Variants in MBD5 observed in about 807,000 individuals in gnomAD.
MBD5 encodes the protein methyl-CpG-binding domain protein 5.
Under a neutral mutation model 117.3 loss-of-function variants are expected in MBD5, and 13 were observed. The observed-to-expected ratio is 0.11, with a 90% confidence interval of 0.07 to 0.18. The LOEUF is 0.18. Among genes scored for constraint, MBD5 ranks in the 10% least tolerant of loss-of-function variants. MBD5 has a pLI of 1.00. For missense variants in MBD5, 1,879 were observed against 2,093.8 expected, an observed-to-expected ratio of 0.90 and a Z score of 2.00; for synonymous variants, 727 against 766.4, an observed-to-expected ratio of 0.95 and a Z score of 0.85.
chr2:148,351,925 T>G (rs1165849016), intron 4 of MBD5, among the ~76,000 whole-genome samples: 1 of 152,060 alleles, frequency 6.6e-6, no homozygotes, highest in Non-Finnish European at 1.5e-5. Context: ...AACCTATGTG[T>G]TTAGTGTAGA....
At chr2:148,430,597 C>T (rs1271647243) in intron 4 of MBD5, among the ~76,000 whole-genome samples, 4 of 151,982 alleles carry the variant, frequency 2.6e-5, no homozygotes, top group African/African-American at 4.8e-5. Flanking sequence ...TAATCAACTT[C>T]TCATTGTAAT....
chr2:148,062,847 A>G (rs1002347126), intron 1 of MBD5, among the ~76,000 whole-genome samples: 4 of 151,908 alleles, frequency 2.6e-5, no homozygotes, highest in Non-Finnish European at 5.9e-5. Flanking sequence ...TTAAATGCAT[A>G]TAGTGGTATT....
At chr2:148,377,437 A>C (rs1049959669) in intron 4 of MBD5, among the ~76,000 whole-genome samples, 12 of 152,130 alleles carry the variant, frequency 7.9e-5, no homozygotes, top group African/African-American at 2.9e-4. Flanking sequence ...CAATCCAATC[A>C]AGTTGACACT....
chr2:148,432,958 G>T (rs1015443362), intron 4 of MBD5, among the ~76,000 whole-genome samples: 2 of 152,096 alleles, frequency 1.3e-5, no homozygotes, highest in African/African-American at 2.4e-5. Flanking sequence ...GTTTTCAGTA[G>T]TATGGCCATT....
At chr2:148,379,750 G>A (rs1704083202) in intron 4 of MBD5, among the ~76,000 whole-genome samples, 1 of 151,890 alleles carries the variant, frequency 6.6e-6, no homozygotes, top group South Asian at 2.1e-4. Flanking sequence ...GCCAGGGGAG[G>A]GGGTATAACA....
chr2:148,181,635 T>TTCC (rs1698537060), intron 2 of MBD5, among the ~76,000 whole-genome samples: 1 of 152,188 alleles, frequency 6.6e-6, no homozygotes, highest in Non-Finnish European at 1.5e-5. Flanking sequence ...GCCTTTTGAT[T>TTCC]TCCCTCTTCT....
chr2:148,390,517 A>ACG (rs1559051455), intron 4 of MBD5, among the ~76,000 whole-genome samples: 1 of 148,764 alleles, frequency 6.7e-6, no homozygotes, highest in Non-Finnish European at 1.5e-5. Flanking sequence ...GTATGTATAT[A>ACG]TGTGTGTGTG....
intron 1 of MBD5, among the ~76,000 whole-genome samples, chr2:148,049,551 G>A (rs1437915271): frequency 3.3e-5 from 5 of 152,054 alleles, no homozygotes; most frequent in African/African-American, 1.2e-4. Flanking sequence ...TTTTATTGAG[G>A]TAAAATCCAC....
At chr2:148,065,244 A>G (rs1183875389) in intron 1 of MBD5, among the ~76,000 whole-genome samples, 1 of 152,170 alleles carries the variant, frequency 6.6e-6, no homozygotes, top group African/African-American at 2.4e-5. Context: ...GGGACCTAGC[A>G]GATCTTTTTT....
chr2:148,471,737 AT>A (rs1275355265), intron 8 of MBD5: 6 of 152,096 alleles, frequency 3.9e-5, no homozygotes, highest in Non-Finnish European at 5.9e-5. Flanking sequence ...TTTAGAAGAT[AT>A]TTGAAATTAT....
At chr2:148,411,927 A>G (rs1472876206) in intron 4 of MBD5, among the ~76,000 whole-genome samples, 3 of 152,082 alleles carry the variant, frequency 2.0e-5, no homozygotes, top group African/African-American at 7.2e-5. Context: ...CCCAGGGCCT[A>G]TGTCTAGAAC....
intron 1 of MBD5, among the ~76,000 whole-genome samples, chr2:148,094,788 C>T (rs1696023877): frequency 6.6e-6 from 1 of 152,012 alleles, no homozygotes; most frequent in Non-Finnish European, 1.5e-5. Flanking sequence ...AAAAATAACT[C>T]ATGGAATGCC....
At chr2:148,068,322 T>C (rs1282039985) in intron 1 of MBD5, among the ~76,000 whole-genome samples, 1 of 152,180 alleles carries the variant, frequency 6.6e-6, no homozygotes, top group East Asian at 1.9e-4. Flanking sequence ...TGTCCTGTAA[T>C]ATTCTGGGTG....
rs926560226 is a variant in MBD5 at position 148,150,239 on chromosome 2, T to A, written c.-924-28461T>A. 1.2e-4 allele frequency among the ~76,000 whole-genome samples: 18 copies of A among 149,004 alleles called. No homozygotes were observed. In the Admixed American group the frequency reaches 1.2e-3, roughly 10 times the overall value. On this transcript the variant is annotated intron_variant, in intron 1 of 13. Coordinates refer to ENST00000642680, the MANE Select transcript of MBD5 (RefSeq NM_001378120.1). The stretch of plus-strand genomic sequence containing the variant: ...TTGTTTTTCTCAGGTTTGTCAAAGA[T>A]CAGATAGTTGTAGATATGCGGCGTT...
intron 2 of MBD5, among the ~76,000 whole-genome samples, chr2:148,194,667 A>C (rs923965374): frequency 1.6e-5 from 2 of 124,512 alleles, no homozygotes; most frequent in African/African-American, 5.5e-5. Context: ...GCTAGATGAC[A>C]CGTTAGTGGG....
chr2:148,442,090 G>A (rs1042010932), intron 4 of MBD5, among the ~76,000 whole-genome samples: 2 of 151,826 alleles, frequency 1.3e-5, no homozygotes, highest in Non-Finnish European at 2.9e-5. Flanking sequence ...TCTTTGCTGT[G>A]CAGAAGCTCT....
intron 8 of MBD5, chr2:148,471,865 C>G (rs778817185): frequency 2.6e-5 from 4 of 151,988 alleles, no homozygotes; most frequent in Admixed American, 6.6e-5. Context: ...CATCATATTT[C>G]TTTTTAGATA....
At chr2:148,196,957 C>G (rs1699004428) in intron 2 of MBD5, among the ~76,000 whole-genome samples, 1 of 152,080 alleles carries the variant, frequency 6.6e-6, no homozygotes, top group Admixed American at 6.6e-5. Flanking sequence ...ATATATCTCA[C>G]TTGAACAAAA....
intron 4 of MBD5, among the ~76,000 whole-genome samples, chr2:148,411,512 C>CTTTTTTTTTTTT (rs1188326755): frequency 9.2e-5 from 9 of 97,444 alleles, no homozygotes; most frequent in South Asian, 3.6e-4. Flanking sequence ...AGCATCTGTT[C>CTTTTTTTTTTTT]TTTTTTTTTT....
Sources: gnomAD v4.1 joint callset for allele counts (sites outside exome capture counted in the v4.1 genomes callset) on GRCh38, gnomAD v4.1.1 for gene constraint, MANE v1.5 for transcripts, NCBI Gene and HGNC (gene_info 2026-07-23, HGNC 2026-07-21) for gene names.